Variants in DGLUCY observed in about 807,000 individuals in gnomAD.
The protein encoded by DGLUCY is D-glutamate cyclase, mitochondrial.
Under a neutral mutation model 58.5 loss-of-function variants are expected in DGLUCY, and 58 were observed. That is an observed-to-expected ratio of 0.99 (90% CI 0.80 to 1.23). DGLUCY has a LOEUF of 1.23. Ranked by LOEUF, DGLUCY falls within the 50% of genes most tolerant of loss-of-function variation. DGLUCY has a pLI of 0.00. For synonymous variants in DGLUCY, 325 were observed against 314.1 expected (o/e 1.03, Z -0.37); for missense variants, 779 against 784.7 (o/e 0.99, Z 0.09).
intron 11 of DGLUCY, among the ~76,000 whole-genome samples, chr14:91,200,285 C>T (rs970507492): frequency 7.2e-5 from 11 of 152,094 alleles, no homozygotes; most frequent in Non-Finnish European, 5.9e-5. Flanking sequence ...ATTGAACACA[C>T]GACCAGAAAG....
intron 1 of DGLUCY, among the ~76,000 whole-genome samples, chr14:91,108,526 T>TGTGAGA (rs1265665234): frequency 0.022 from 1,154 of 52,132 alleles, 35 homozygotes; most frequent in Admixed American, 0.035. Flanking sequence ...TGTGTGTGTG[T>TGTGAGA]GAGAGAGAGA....
chr14:91,151,301 G>A (rs1353344083), intron 1 of DGLUCY, among the ~76,000 whole-genome samples: 2 of 152,108 alleles, frequency 1.3e-5, no homozygotes, highest in Non-Finnish European at 2.9e-5. Context: ...GTGCAGTGGC[G>A]TGATCTCGGC....
intron 10 of DGLUCY, among the ~76,000 whole-genome samples, chr14:91,199,278 A>G (rs914580053): frequency 6.8e-6 from 1 of 146,436 alleles, no homozygotes; most frequent in Non-Finnish European, 1.5e-5. Flanking sequence ...TTTTTTTTTC[A>G]AGACAGAGTC....
intron 2 of DGLUCY, among the ~76,000 whole-genome samples, chr14:91,159,363 C>T (rs1194661884): frequency 2.0e-5 from 3 of 152,096 alleles, no homozygotes; most frequent in Non-Finnish European, 4.4e-5. Flanking sequence ...ATGAGAATCT[C>T]TTGAAGCCAG....
In DGLUCY at chr14:91,161,809, CA is replaced by C. The variant is rs1453654691; in HGVS notation, c.103+1413del. Among the ~76,000 whole-genome samples, 6 of 22,540 alleles carry C rather than the reference CA, an allele frequency of 2.7e-4. No homozygotes were observed. In the Admixed American group the frequency reaches 2.8e-3, roughly 10 times the overall value. The allele number at this position is 22,540 out of a possible 152,430, so 14.8% of individuals were successfully genotyped here. ...GTGCAAAAGTAATTGCGATTTTTGC[CA>C]TTTTTTTTTTTTTTTTTTTAAATAA... On this transcript the variant is annotated intron_variant, in intron 3 of 13. Transcript: ENST00000256324.
intron 1 of DGLUCY, among the ~76,000 whole-genome samples, chr14:91,101,227 A>G (rs769385353): frequency 3.9e-5 from 6 of 152,080 alleles, no homozygotes; most frequent in Non-Finnish European, 5.9e-5. Flanking sequence ...TGGGCAGAAG[A>G]TTCTATAGCT....
chr14:91,173,576 T>C, intron 6 of DGLUCY, 137 bp downstream of exon 6: 1 of 1,222,504 alleles, frequency 8.2e-7, no homozygotes, highest in South Asian at 1.7e-5. Context: ...CCCATGATCC[T>C]GACAGCCTCT....
chr14:91,091,505 A>AAAAT (rs774817113), intron 1 of DGLUCY, among the ~76,000 whole-genome samples: 11 of 152,262 alleles, frequency 7.2e-5, no homozygotes, highest in East Asian at 3.9e-4. Flanking sequence ...CTGGGCGACA[A>AAAAT]AAATAAATAA....
intron 1 of DGLUCY, among the ~76,000 whole-genome samples, chr14:91,156,394 A>G (rs908439966): frequency 1.3e-5 from 2 of 152,296 alleles, no homozygotes; most frequent in African/African-American, 4.8e-5. Flanking sequence ...GATTACAGCC[A>G]TGAGCCACTG....
intron 1 of DGLUCY, among the ~76,000 whole-genome samples, chr14:91,129,380 A>T (rs549327065): frequency 6.6e-5 from 10 of 152,016 alleles, no homozygotes; most frequent in African/African-American, 2.4e-4. Flanking sequence ...CATACCCTTA[A>T]GCCTCTAAGT....
In DGLUCY at chr14:91,177,867, C is replaced by T. The variant is rs549100886; in HGVS notation, c.730+1811C>T. ...ATGTGCCAGGCATGCACCCAGGCCT[C>T]AGGAGTACAGTGCTCCATGGGACAG... On this transcript the variant is annotated intron_variant, in intron 7 of 13. Transcript: ENST00000256324. Among the ~76,000 whole-genome samples the T allele has an allele frequency of 1.1e-4, 16 of 152,378 alleles. No homozygotes were observed. In the East Asian group the frequency reaches 2.1e-3, roughly 20 times the overall value.
At chr14:91,143,203 C>T (rs922579444) in intron 1 of DGLUCY, among the ~76,000 whole-genome samples, 5 of 151,816 alleles carry the variant, frequency 3.3e-5, no homozygotes, top group African/African-American at 9.7e-5. Context: ...TCATGCCATT[C>T]TCCTGCCTCA....
chr14:91,076,346 A>T (rs538462999), intron 1 of DGLUCY, among the ~76,000 whole-genome samples: 1 of 152,248 alleles, frequency 6.6e-6, no homozygotes, highest in South Asian at 2.1e-4. Flanking sequence ...ACATCCTCTC[A>T]TGTACTTTAT....
intron 11 of DGLUCY, 120 bp from the exon 12 acceptor site, chr14:91,204,586 T>C (rs1884204954): frequency 2.2e-6 from 3 of 1,344,080 alleles, no homozygotes; most frequent in East Asian, 5.1e-5. Flanking sequence ...TCTGAAAATA[T>C]ATCCAGAGCC....
chr14:91,162,216 C>G (rs2048033457), intron 3 of DGLUCY, among the ~76,000 whole-genome samples: 1 of 152,156 alleles, frequency 6.6e-6, no homozygotes, highest in African/African-American at 2.4e-5. Flanking sequence ...AGCTGGGAAA[C>G]TCCAGCTTGG....
chr14:91,218,937 T>G (rs1285863), intron 13 of DGLUCY, among the ~76,000 whole-genome samples: 2,528 of 151,318 alleles, frequency 0.017, 64 homozygotes, highest in African/African-American at 0.054. Flanking sequence ...CCCAGAACTT[T>G]GGGAGGCTGA....
intron 12 of DGLUCY, among the ~76,000 whole-genome samples, chr14:91,205,759 CTT>C (rs2140640404): frequency 1.3e-5 from 1 of 75,952 alleles, no homozygotes; most frequent in Non-Finnish European, 2.4e-5. Context: ...GCATTCTCTT[CTT>C]CTTCTTCTTC....
chr14:91,199,451 C>T (rs1037439125), intron 10 of DGLUCY, among the ~76,000 whole-genome samples: 1 of 140,664 alleles, frequency 7.1e-6, no homozygotes, highest in African/African-American at 2.5e-5. Flanking sequence ...TGAGGTTTCA[C>T]CATGTTGGCC....
At chr14:91,140,863 T>A (rs1214536059) in intron 1 of DGLUCY, among the ~76,000 whole-genome samples, 1 of 152,152 alleles carries the variant, frequency 6.6e-6, no homozygotes. Context: ...ATGGTTAGAC[T>A]CAGGCTCTCT....
Sources: gnomAD v4.1 joint callset for allele counts (sites outside exome capture counted in the v4.1 genomes callset) on GRCh38, gnomAD v4.1.1 for gene constraint, MANE v1.5 for transcripts, NCBI Gene and HGNC (gene_info 2026-07-23, HGNC 2026-07-21) for gene names.